ANGPT2: variants seen among roughly 807,000 people sequenced by gnomAD.
ANGPT2 encodes angiopoietin 2.
ANGPT2 carries 28 observed loss-of-function variants against 62.9 expected under a neutral mutation model. That is an observed-to-expected ratio of 0.44 (90% CI 0.33 to 0.61). The LOEUF is 0.61. ANGPT2 is among the 20% of genes least tolerant of loss of function. ANGPT2 has a pLI of 0.03. For synonymous variants in ANGPT2, 284 were observed against 207.8 expected (o/e 1.37, Z -3.15); for missense variants, 727 against 594.9 (o/e 1.22, Z -2.31).
intron 3 of ANGPT2, among the ~76,000 whole-genome samples, chr8:6,523,888 G>GC (rs1263854153): frequency 1.7e-5 from 2 of 118,022 alleles, no homozygotes; most frequent in African/African-American, 7.6e-5. Flanking sequence ...TGCCTGGCTG[G>GC]CATTTTTTTT....
At chr8:6,506,659 A>T (rs2129565013) in intron 8 of ANGPT2, among the ~76,000 whole-genome samples, 1 of 152,212 alleles carries the variant, frequency 6.6e-6, no homozygotes, top group Middle Eastern at 3.4e-3. Flanking sequence ...GATGAAGGAA[A>T]CAGGAAGCTT....
At chr8:6,521,719 C>T (rs1381682859) in intron 3 of ANGPT2, among the ~76,000 whole-genome samples, 2 of 152,176 alleles carry the variant, frequency 1.3e-5, no homozygotes, top group African/African-American at 4.8e-5. Flanking sequence ...GATGCTGCAG[C>T]GCTCAGAAGA....
intron 3 of ANGPT2, among the ~76,000 whole-genome samples, chr8:6,523,621 G>A (rs1272716675): frequency 2.0e-5 from 3 of 152,068 alleles, no homozygotes; most frequent in Non-Finnish European, 2.9e-5. Flanking sequence ...TCGGAGTCTC[G>A]CGCTGTGGCC....
At chr8:6,535,485 G>T (rs989389373) in intron 1 of ANGPT2, among the ~76,000 whole-genome samples, 2 of 152,074 alleles carry the variant, frequency 1.3e-5, no homozygotes, top group African/African-American at 2.4e-5. Flanking sequence ...CTAAGTATAG[G>T]TTCACAGTGG....
At chr8:6,515,137 G>A (rs1383452257) in intron 5 of ANGPT2, among the ~76,000 whole-genome samples, 3 of 152,006 alleles carry the variant, frequency 2.0e-5, no homozygotes, top group East Asian at 3.9e-4. Flanking sequence ...GATTGGCCCC[G>A]AACCCCACAT....
At chr8:6,546,324 C>G (rs1472999317) in intron 1 of ANGPT2, among the ~76,000 whole-genome samples, 1 of 152,136 alleles carries the variant, frequency 6.6e-6, no homozygotes, top group Non-Finnish European at 1.5e-5. Flanking sequence ...AGCAGTTCAC[C>G]GTTTCAACAG....
rs193132727 is a variant in ANGPT2, at chr8:6,521,229, C to G, written c.748G>C (p.Asp250His). 3 of 1,613,872 alleles carry G rather than the reference C, an allele frequency of 1.9e-6. No homozygotes were observed. The highest frequency in any genetic ancestry group is 2.2e-5 in the East Asian group (1 of 44,814). Residue 250 changes from aspartate (D) to histidine (H), a missense_variant, in exon 4 of 9, where the codon GAT (aspartate) becomes CAT (histidine). Transcript: ENST00000629816. ...AAGTTATTAACTGTCTCCATGAGAT[C>G]ATGTTGCTGCTTCTGAAGAACTGAA... ...NNSVLQKQQH[D>H]LMETVNNLLT...
intron 1 of ANGPT2, among the ~76,000 whole-genome samples, chr8:6,546,526 GAAAAT>G (rs1822603814): frequency 2.3e-5 from 3 of 130,800 alleles, no homozygotes; most frequent in Admixed American, 2.3e-4. Context: ...ACTTAAGAAA[GAAAAT>G]AAAGGATCTT....
chr8:6,550,686 A>G (rs1314143416), intron 1 of ANGPT2, among the ~76,000 whole-genome samples: 1 of 152,144 alleles, frequency 6.6e-6, no homozygotes, highest in East Asian at 1.9e-4. Flanking sequence ...TCTTTTTAAA[A>G]TCTGTTTTAT....
intron 2 of ANGPT2, among the ~76,000 whole-genome samples, chr8:6,531,006 T>A (rs1586413389): frequency 6.6e-6 from 1 of 152,212 alleles, no homozygotes; most frequent in East Asian, 1.9e-4. Context: ...GCTCTTTTTT[T>A]AAAAGTATTC....
chr8:6,553,445 G>C (rs1417774728), intron 1 of ANGPT2, among the ~76,000 whole-genome samples: 1 of 152,126 alleles, frequency 6.6e-6, no homozygotes, highest in Non-Finnish European at 1.5e-5. Context: ...TAACTTCAGA[G>C]GCTTGCTGGT....
intron 1 of ANGPT2, among the ~76,000 whole-genome samples, chr8:6,558,016 T>G (rs959339674): frequency 1.3e-5 from 2 of 152,150 alleles, no homozygotes; most frequent in African/African-American, 2.4e-5. Context: ...TGTCTCTGTC[T>G]CTCCTGCCCC....
chr8:6,560,630 A>G (rs1447299820), intron 1 of ANGPT2, among the ~76,000 whole-genome samples: 3 of 152,228 alleles, frequency 2.0e-5, no homozygotes, highest in Non-Finnish European at 2.9e-5. Flanking sequence ...GGGAAACGGT[A>G]TTTAGCTAGA....
chr8:6,539,450 T>A (rs1297670883), intron 1 of ANGPT2, among the ~76,000 whole-genome samples: 1 of 152,286 alleles, frequency 6.6e-6, no homozygotes, highest in African/African-American at 2.4e-5. Flanking sequence ...CTAGTGGGTA[T>A]TGTGACTTCT....
Position 6,528,627 on chromosome 8 carries a change from T to C in ANGPT2, c.445-951A>G, listed in dbSNP as rs138022360. 1.3e-4 allele frequency among the ~76,000 whole-genome samples: 20 copies of C among 152,378 alleles called. No homozygotes were observed. In the East Asian group the frequency reaches 3.3e-3, roughly 25 times the overall value. On this transcript the variant is annotated intron_variant, in intron 2 of 8. Coordinates refer to ENST00000629816, the MANE Select transcript of ANGPT2 (RefSeq NM_001118887.2). ...GTGAGCTACTGCGTGGCATGAGCAG[T>C]GCGGCTCTCCCGCGGATTCTCTAGC...
chr8:6,509,014 G>A lies in ANGPT2; in HGVS notation c.1245C>T (p.Ile415=). The change falls in exon 8 of 9, where the codon ATC becomes ATT. Residue 415 remains isoleucine, a synonymous_variant. Transcript: ENST00000629816. ...LTGTAGKISS[I]SQPGNDFSTK... is the part of the protein sequence containing the mutation. The stretch of plus-strand genomic sequence containing the variant: ...TGCTAAAATCATTTCCTGGTTGGCT[G>A]ATGCTGCTTATTTTGCCGGCTGTCC... 1 of 1,614,160 alleles carries A rather than the reference G, an allele frequency of 6.2e-7. No homozygotes were observed. Among genetic ancestry groups the A allele is most frequent in the Non-Finnish European group, 8.5e-7 (1 of 1,180,024 alleles).
intron 1 of ANGPT2, among the ~76,000 whole-genome samples, chr8:6,551,907 T>C (rs1246451231): frequency 6.6e-6 from 1 of 152,214 alleles, no homozygotes; most frequent in Non-Finnish European, 1.5e-5. Flanking sequence ...AAGCTACATC[T>C]GTATGTAATA....
intron 1 of ANGPT2, among the ~76,000 whole-genome samples, chr8:6,546,786 CA>C (rs1822655716): frequency 1.3e-5 from 2 of 152,198 alleles, no homozygotes; most frequent in African/African-American, 4.8e-5. Flanking sequence ...CCCCTTCCCC[CA>C]ATCCAAGTAT....
At chr8:6,545,110 C>G (rs564415711) in intron 1 of ANGPT2, among the ~76,000 whole-genome samples, 1 of 151,992 alleles carries the variant, frequency 6.6e-6, no homozygotes, top group East Asian at 1.9e-4. Context: ...TGATCCATTT[C>G]CATGAAGCTC....
Sources: gnomAD v4.1 joint callset for allele counts (sites outside exome capture counted in the v4.1 genomes callset) on GRCh38, gnomAD v4.1.1 for gene constraint, MANE v1.5 for transcripts, NCBI Gene and HGNC (gene_info 2026-07-23, HGNC 2026-07-21) for gene names.